Variants in BMPR1B observed in about 807,000 individuals in gnomAD.
BMPR1B encodes the protein bone morphogenetic protein receptor type 1B, also known as bone morphogenetic protein receptor type-1B.
Under a neutral mutation model 59.1 loss-of-function variants are expected in BMPR1B, and 12 were observed. The observed-to-expected ratio is 0.20, with a 90% confidence interval of 0.13 to 0.33. The LOEUF (loss-of-function observed/expected upper bound fraction) is 0.33, where lower values mean the gene tolerates loss of function less well. Ranked by LOEUF, BMPR1B falls within the 10% of genes least tolerant of loss-of-function variation. The pLI, the probability that BMPR1B is intolerant of heterozygous loss-of-function variation, is 1.00. For missense variants in BMPR1B, 550 were observed against 610.9 expected (o/e 0.90, Z 1.05); for synonymous variants, 237 against 207.3 (o/e 1.14, Z -1.23).
At chr4:95,120,610 T>TTTCCTTACTTCCTTCCTTCCTTCC (rs1732409919) in intron 6 of BMPR1B, among the ~76,000 whole-genome samples, 5 of 122,586 alleles carry the variant, frequency 4.1e-5, no homozygotes, top group Non-Finnish European at 8.8e-5. Context: ...ATAGCCTGCC[T>TTTCCTTACTTCCTTCCTTCCTTCC]TTCCTTCCTT....
intron 1 of BMPR1B, among the ~76,000 whole-genome samples, chr4:94,817,935 G>C (rs558700818): frequency 2.2e-4 from 33 of 152,298 alleles, no homozygotes; most frequent in African/African-American, 7.5e-4. Context: ...TAAGGAGGTG[G>C]TTCTTAACTA....
chr4:95,136,143 G>A (rs1560683062), intron 10 of BMPR1B, among the ~76,000 whole-genome samples: 3 of 150,664 alleles, frequency 2.0e-5, no homozygotes, highest in African/African-American at 7.3e-5. Flanking sequence ...GTCTTTGCTA[G>A]GCAATAATTA....
At chr4:95,055,134 A>T (rs1273782080) in intron 3 of BMPR1B, among the ~76,000 whole-genome samples, 1 of 151,922 alleles carries the variant, frequency 6.6e-6, no homozygotes, top group African/African-American at 2.4e-5. Context: ...TCAAAACCAG[A>T]CCCAAGTCTC....
intron 3 of BMPR1B, among the ~76,000 whole-genome samples, chr4:95,048,845 T>C (rs1291775786): frequency 6.6e-6 from 1 of 152,216 alleles, no homozygotes; most frequent in Non-Finnish European, 1.5e-5. Flanking sequence ...TTTCATGAGA[T>C]TTTTTGAACC....
intron 2 of BMPR1B, among the ~76,000 whole-genome samples, chr4:94,881,801 C>T (rs1222967814): frequency 6.6e-6 from 1 of 152,030 alleles, no homozygotes; most frequent in East Asian, 1.9e-4. Context: ...TTTTCTTCAG[C>T]CATAAAATAA....
chr4:95,099,057 A>T (rs1400512973), intron 3 of BMPR1B, among the ~76,000 whole-genome samples: 4 of 152,132 alleles, frequency 2.6e-5, no homozygotes, highest in Non-Finnish European at 5.9e-5. Flanking sequence ...AAATATTGTG[A>T]CTTGTGCAGA....
chr4:94,762,125 T>C (rs1432810649), intron 1 of BMPR1B, among the ~76,000 whole-genome samples: 1 of 152,200 alleles, frequency 6.6e-6, no homozygotes, highest in Non-Finnish European at 1.5e-5. Flanking sequence ...TTCATGATGT[T>C]CAGGACATCC....
At chr4:95,005,001 C>CT (rs1408476272) in intron 3 of BMPR1B, among the ~76,000 whole-genome samples, 8 of 151,904 alleles carry the variant, frequency 5.3e-5, no homozygotes, top group Middle Eastern at 3.4e-3. Flanking sequence ...ATTTAGAATG[C>CT]TTTTTTTTCT....
intron 2 of BMPR1B, among the ~76,000 whole-genome samples, chr4:94,907,724 G>T (rs1428260732): frequency 6.6e-6 from 1 of 151,886 alleles, no homozygotes; most frequent in Non-Finnish European, 1.5e-5. Flanking sequence ...CGGTTTGCTT[G>T]TATGTGTTTG....
intron 4 of BMPR1B, among the ~76,000 whole-genome samples, chr4:95,110,091 A>G (rs1731522543): frequency 1.3e-5 from 2 of 151,930 alleles, no homozygotes. Context: ...ATAGAAAGTG[A>G]TAGTGCAGGG....
In BMPR1B at chr4:94,943,143, AT is replaced by A. The variant is rs35195946; in HGVS notation, c.-112-52882del. 7.3e-3 allele frequency among the ~76,000 whole-genome samples: 1,041 copies of A among 141,952 alleles called. 2 individuals are homozygous for A. The highest frequency in any genetic ancestry group is 0.016 in the African/African-American group (627 of 38,942). The allele number at this position is 141,952 out of a possible 152,430, so 93.1% of individuals were successfully genotyped here. On this transcript the variant is annotated intron_variant, in intron 2 of 12. Coordinates refer to ENST00000515059, the MANE Select transcript of BMPR1B (RefSeq NM_001203.3). Reference sequence around the variant, plus strand: ...GTCGGCCTGGATACATCCACTCACTATTTTTTTTTTTTTTTGAGACAGAGTT... The same window carrying A: ...GTCGGCCTGGATACATCCACTCACTATTTTTTTTTTTTTTGAGACAGAGTT...
At chr4:95,062,820 A>T (rs1212825484) in intron 3 of BMPR1B, among the ~76,000 whole-genome samples, 1 of 152,200 alleles carries the variant, frequency 6.6e-6, no homozygotes, top group African/African-American at 2.4e-5. Flanking sequence ...TTTAGCAGGT[A>T]AAATTGGTGT....
At chr4:95,068,804 C>T (rs538639044) in intron 3 of BMPR1B, among the ~76,000 whole-genome samples, 1 of 152,280 alleles carries the variant, frequency 6.6e-6, no homozygotes, top group South Asian at 2.1e-4. Flanking sequence ...TAAACTCACT[C>T]TATGCAAGCA....
intron 1 of BMPR1B, among the ~76,000 whole-genome samples, chr4:94,837,429 T>A (rs1172664995): frequency 1.7e-5 from 2 of 119,750 alleles, no homozygotes. Context: ...ATCCTCTTAT[T>A]TCGTTGAGCA....
At chr4:95,044,504 A>G (rs17022924) in intron 3 of BMPR1B, among the ~76,000 whole-genome samples, 2,399 of 152,354 alleles carry the variant, frequency 0.016, 26 homozygotes, top group Middle Eastern at 0.054. Flanking sequence ...AGTGACAGTC[A>G]TATCCCGTAA....
At chr4:95,096,134 G>T (rs1730359088) in intron 3 of BMPR1B, among the ~76,000 whole-genome samples, 1 of 150,786 alleles carries the variant, frequency 6.6e-6, no homozygotes, top group Non-Finnish European at 1.5e-5. Flanking sequence ...AACTGATTAA[G>T]TTATATACAT....
chr4:94,790,024 G>A (rs947204594), intron 1 of BMPR1B, among the ~76,000 whole-genome samples: 12 of 151,992 alleles, frequency 7.9e-5, no homozygotes, highest in African/African-American at 2.9e-4. Context: ...TCTTCCTTAC[G>A]ATTTTCTTAA....
intron 1 of BMPR1B, among the ~76,000 whole-genome samples, chr4:94,857,375 G>A (rs1398372261): frequency 1.3e-5 from 2 of 152,104 alleles, no homozygotes; most frequent in African/African-American, 4.8e-5. Context: ...TCTGTAGAAG[G>A]TTAGCACTTT....
chr4:95,103,518 G>T (rs1371502784), intron 3 of BMPR1B: 3 of 982,970 alleles, frequency 3.1e-6, no homozygotes, highest in African/African-American at 1.7e-5. Context: ...AACAAAATAG[G>T]TAATAATTAA....
Sources: gnomAD v4.1 joint callset for allele counts (sites outside exome capture counted in the v4.1 genomes callset) on GRCh38, gnomAD v4.1.1 for gene constraint, MANE v1.5 for transcripts, NCBI Gene and HGNC (gene_info 2026-07-23, HGNC 2026-07-21) for gene names.